TLL1: variants seen among roughly 807,000 people sequenced by gnomAD.
TLL1 encodes the protein tolloid like 1.
In TLL1, 49 loss-of-function variants were observed where a neutral mutation model predicts 128.2. The observed-to-expected ratio is 0.38, with a 90% CI of 0.30 to 0.48. TLL1 has a LOEUF of 0.48. TLL1 is among the 20% of genes least tolerant of loss of function. The probability of loss-of-function intolerance (pLI) is 0.96; values close to 1 mark genes in which losing one functional copy is unlikely to be tolerated. For missense variants in TLL1, 1,123 were observed against 1,242.0 expected (o/e 0.90, Z 1.44); for synonymous variants, 454 against 418.8 (o/e 1.08, Z -1.03).
intron 18 of TLL1, 120 bp downstream of exon 18, chr4:166,078,150 A>G: frequency 6.8e-7 from 1 of 1,478,416 alleles, no homozygotes; most frequent in Non-Finnish European, 9.2e-7. Flanking sequence ...GCTGGAAAAG[A>G]TTTTTTGTCT....
intron 1 of TLL1, among the ~76,000 whole-genome samples, chr4:165,886,013 T>C (rs1224224220): frequency 2.0e-5 from 3 of 151,632 alleles, no homozygotes; most frequent in African/African-American, 7.3e-5. Flanking sequence ...TTAAAGTGTC[T>C]AGTAAGGAAC....
chr4:165,997,024 T>C (rs1736913447), intron 5 of TLL1, among the ~76,000 whole-genome samples: 1 of 152,086 alleles, frequency 6.6e-6, no homozygotes, highest in Non-Finnish European at 1.5e-5. Flanking sequence ...CTCTGTGTTG[T>C]GTTTTTGGTG....
intron 1 of TLL1, among the ~76,000 whole-genome samples, chr4:165,929,120 T>C (rs182343132): frequency 1.0e-3 from 156 of 152,250 alleles, no homozygotes; most frequent in African/African-American, 3.6e-3. Flanking sequence ...GCAGCACTAA[T>C]TTTTGGCTTC....
At chr4:165,881,200 A>G (rs1467229395) in intron 1 of TLL1, among the ~76,000 whole-genome samples, 1 of 152,198 alleles carries the variant, frequency 6.6e-6, no homozygotes, top group Admixed American at 6.5e-5. Context: ...GAAACACCAA[A>G]TGGAGAATAT....
At chr4:165,960,029 C>T (rs565954259) in intron 1 of TLL1, among the ~76,000 whole-genome samples, 2 of 152,156 alleles carry the variant, frequency 1.3e-5, no homozygotes, top group Admixed American at 6.6e-5. Flanking sequence ...AAAATCCATA[C>T]AGAAGTTCAG....
intron 9 of TLL1, among the ~76,000 whole-genome samples, chr4:166,027,172 A>G (rs1161515460): frequency 6.6e-6 from 1 of 152,156 alleles, no homozygotes; most frequent in African/African-American, 2.4e-5. Flanking sequence ...CTCATTTATA[A>G]GTGGGAGCTA....
At position 165,888,274 on chromosome 4, in the gene TLL1, C is replaced by A. The variant is rs1256234682; in HGVS notation, c.169+14201C>A. On this transcript the variant is annotated intron_variant, in intron 1 of 20. Coordinates refer to ENST00000061240, the MANE Select transcript of TLL1 (RefSeq NM_012464.5). ...TTTGGTATTTTTTTAAACATAGGCA[C>A]TTTTTATCAAATTAGGAATTCTGTG... is the stretch of plus-strand genomic sequence containing the variant. 4.6e-5 allele frequency among the ~76,000 whole-genome samples: 7 copies of A among 152,092 alleles called. No homozygotes were observed. The South Asian group carries it at 1.5e-3, about 32-fold the overall frequency.
intron 1 of TLL1, among the ~76,000 whole-genome samples, chr4:165,875,366 T>C (rs936590979): frequency 1.3e-5 from 2 of 152,148 alleles, no homozygotes; most frequent in African/African-American, 4.8e-5. Context: ...CCCATTGTTC[T>C]GACAAAAAGG....
At chr4:166,099,130 C>A in intron 19 of TLL1, 147 bp from the exon 20 acceptor site, 2 of 1,288,370 alleles carry the variant, frequency 1.6e-6, no homozygotes, top group Non-Finnish European at 2.2e-6. Context: ...CACTATCTGA[C>A]TCTCCAGTTG....
In TLL1 at chr4:166,101,044, C is replaced by A; in HGVS notation, c.*168C>A. On this transcript the variant is annotated 3_prime_UTR_variant, in exon 21 of 21. Transcript: ENST00000061240. Reference sequence around the variant, plus strand: ...CTAAAAGAGAAGTTTCCAGCAAAACCCTCATCAGCATTACAAGGATATTTG... The same window carrying A: ...CTAAAAGAGAAGTTTCCAGCAAAACACTCATCAGCATTACAAGGATATTTG... 2 of 793,800 alleles carry A rather than the reference C, an allele frequency of 2.5e-6. No homozygotes were observed. The highest frequency in any genetic ancestry group is 3.9e-6 in the Non-Finnish European group (2 of 509,968). 49.2% of individuals were successfully genotyped at this position (793,800 alleles called of 1,614,324 possible). A position where few individuals can be genotyped will look rare whatever the true frequency, so the allele number is the denominator to read the frequency against.
intron 12 of TLL1, among the ~76,000 whole-genome samples, chr4:166,051,291 C>CT: frequency 8.3e-6 from 1 of 120,822 alleles, no homozygotes; most frequent in Non-Finnish European, 1.6e-5. Flanking sequence ...TCTTTCTTCC[C>CT]TCCCTCCTTT....
intron 1 of TLL1, among the ~76,000 whole-genome samples, chr4:165,967,275 T>C (rs1360423092): frequency 1.3e-5 from 2 of 152,172 alleles, no homozygotes; most frequent in Admixed American, 1.3e-4. Flanking sequence ...ACACACATGC[T>C]CTACAAACAA....
At chr4:166,047,199 G>C (rs1739493676) in intron 12 of TLL1, among the ~76,000 whole-genome samples, 1 of 150,432 alleles carries the variant, frequency 6.6e-6, no homozygotes, top group Admixed American at 6.6e-5. Context: ...GTCTTGCTCT[G>C]TTTCGCCCAG....
chr4:166,095,228 A>T (rs2111162903), intron 19 of TLL1, among the ~76,000 whole-genome samples: 1 of 152,192 alleles, frequency 6.6e-6, no homozygotes, highest in East Asian at 1.9e-4. Context: ...AAATGTTGTA[A>T]TGTGTAATGA....
At chr4:165,906,221 C>A (rs1350685276) in intron 1 of TLL1, among the ~76,000 whole-genome samples, 1 of 151,912 alleles carries the variant, frequency 6.6e-6, no homozygotes, top group Non-Finnish European at 1.5e-5. Context: ...ATTTTTCGGC[C>A]CTTTAAGAAA....
intron 1 of TLL1, among the ~76,000 whole-genome samples, chr4:165,986,155 C>T (rs138379703): frequency 8.6e-5 from 13 of 151,796 alleles, no homozygotes; most frequent in East Asian, 1.9e-4. Context: ...CACATAAAAA[C>T]GAAAACAAAA....
At chr4:165,972,681 A>T (rs2110980467) in intron 1 of TLL1, among the ~76,000 whole-genome samples, 1 of 152,290 alleles carries the variant, frequency 6.6e-6, no homozygotes, top group African/African-American at 2.4e-5. Flanking sequence ...ATGTGACTAC[A>T]ACCTTGACAA....
intron 19 of TLL1, among the ~76,000 whole-genome samples, chr4:166,098,643 GT>G (rs138506832): frequency 2.6e-5 from 4 of 151,880 alleles, no homozygotes; most frequent in African/African-American, 9.7e-5. Context: ...ATATATGTAG[GT>G]TTTTCCCCAT....
At chr4:165,874,290 G>A (rs987870598) in intron 1 of TLL1, among the ~76,000 whole-genome samples, 5 of 151,900 alleles carry the variant, frequency 3.3e-5, no homozygotes, top group African/African-American at 1.2e-4. Flanking sequence ...GGGATCCACT[G>A]CCAAGCTCCC....
Sources: gnomAD v4.1 joint callset for allele counts (sites outside exome capture counted in the v4.1 genomes callset) on GRCh38, gnomAD v4.1.1 for gene constraint, MANE v1.5 for transcripts, NCBI Gene and HGNC (gene_info 2026-07-23, HGNC 2026-07-21) for gene names.